The following NELL1 variants were observed in gnomAD, a reference collection of about 807,000 sequenced individuals.
NELL1 encodes protein kinase C-binding protein NELL1.
A neutral mutation model predicts 107.4 loss-of-function variants in NELL1; 76 were observed. The ratio of observed to expected loss-of-function variants is 0.71; its 90% CI spans 0.59 to 0.86. NELL1 has a LOEUF of 0.86. NELL1 is among the 40% of genes least tolerant of loss of function. The pLI is 0.00. For synonymous variants in NELL1, 353 were observed against 341.2 expected, an observed-to-expected ratio of 1.03 and a Z score of -0.38; for missense variants, 1,024 against 1,005.5, an observed-to-expected ratio of 1.02 and a Z score of -0.25.
At chr11:21,492,954 A>C (rs901067257) in intron 15 of NELL1, among the ~76,000 whole-genome samples, 19 of 152,250 alleles carry the variant, frequency 1.2e-4, no homozygotes, top group Admixed American at 3.3e-4. Context: ...AAAAGAAGAC[A>C]TACAAATGGC....
intron 14 of NELL1, among the ~76,000 whole-genome samples, chr11:21,230,368 C>G (rs1398203704): frequency 1.3e-5 from 2 of 152,288 alleles, no homozygotes; most frequent in Non-Finnish European, 2.9e-5. Flanking sequence ...AGCTCCATGA[C>G]AGTGAACACT....
intron 14 of NELL1, among the ~76,000 whole-genome samples, chr11:21,322,522 C>T (rs1283668084): frequency 2.0e-5 from 3 of 152,054 alleles, no homozygotes; most frequent in Non-Finnish European, 4.4e-5. Flanking sequence ...AGTACAAAAG[C>T]ACACACACAT....
intron 13 of NELL1, among the ~76,000 whole-genome samples, chr11:21,133,626 C>T (rs896268963): frequency 6.6e-6 from 1 of 152,060 alleles, no homozygotes; most frequent in Non-Finnish European, 1.5e-5. Context: ...AGCCCTCGCT[C>T]ACCTGGTCAG....
intron 14 of NELL1, among the ~76,000 whole-genome samples, chr11:21,316,305 A>G (rs1174307999): frequency 6.6e-6 from 1 of 152,168 alleles, no homozygotes; most frequent in East Asian, 1.9e-4. Context: ...AAAACACGAG[A>G]TGATAGGCTT....
chr11:20,979,289 A>G (rs1363459385), intron 12 of NELL1, among the ~76,000 whole-genome samples: 4 of 152,234 alleles, frequency 2.6e-5, no homozygotes, highest in Non-Finnish European at 5.9e-5. Flanking sequence ...CCATGCTATC[A>G]TAAAAGGAAA....
At chr11:20,972,176 A>G (rs1008321311) in intron 12 of NELL1, among the ~76,000 whole-genome samples, 1 of 152,214 alleles carries the variant, frequency 6.6e-6, no homozygotes, top group African/African-American at 2.4e-5. Flanking sequence ...CTGTACATAT[A>G]TCCCAGAACT....
At chr11:21,432,362 C>T (rs1442818558) in intron 15 of NELL1, among the ~76,000 whole-genome samples, 1 of 152,014 alleles carries the variant, frequency 6.6e-6, no homozygotes, top group African/African-American at 2.4e-5. Context: ...ACTAGCTTTT[C>T]TTTGTGAAAC....
At chr11:20,898,022 G>A (rs929374794) in intron 5 of NELL1, among the ~76,000 whole-genome samples, 33 of 152,082 alleles carry the variant, frequency 2.2e-4, no homozygotes, top group Middle Eastern at 3.2e-3. Context: ...TGATTCCTCA[G>A]GGATCTAGAA....
chr11:20,925,301 G>C (rs1305879102), intron 7 of NELL1, among the ~76,000 whole-genome samples: 1 of 152,036 alleles, frequency 6.6e-6, no homozygotes, highest in African/African-American at 2.4e-5. Context: ...TATTTATTGA[G>C]ATGGAGTATC....
chr11:21,027,824 T>C (rs543769481), intron 12 of NELL1, among the ~76,000 whole-genome samples: 13 of 152,296 alleles, frequency 8.5e-5, no homozygotes, highest in Non-Finnish European at 1.2e-4. Context: ...CAGTTCATTG[T>C]TGAACAAAAA....
chr11:21,097,210 A>G (rs1191023197), intron 12 of NELL1, among the ~76,000 whole-genome samples: 1 of 152,136 alleles, frequency 6.6e-6, no homozygotes, highest in Non-Finnish European at 1.5e-5. Flanking sequence ...TGCTCTGCTG[A>G]CTGTCAGATT....
chr11:21,234,795 G>T (rs1323565819), intron 14 of NELL1, among the ~76,000 whole-genome samples: 1 of 152,178 alleles, frequency 6.6e-6, no homozygotes, highest in Non-Finnish European at 1.5e-5. Context: ...GATATAGACA[G>T]AAAGAGTAAT....
chr11:21,388,012 T>C (rs1851786095), intron 15 of NELL1, among the ~76,000 whole-genome samples: 2 of 151,764 alleles, frequency 1.3e-5, no homozygotes, highest in African/African-American at 2.4e-5. Flanking sequence ...AAATTGCTTA[T>C]GTTTGTAAAG....
intron 12 of NELL1, among the ~76,000 whole-genome samples, chr11:20,980,313 A>T (rs1161831487): frequency 6.6e-6 from 1 of 152,146 alleles, no homozygotes; most frequent in South Asian, 2.1e-4. Flanking sequence ...AGATTTCACA[A>T]TCTTCATTTT....
rs1033687418 is a variant in NELL1 at position 21,560,358 on chromosome 11, C to T, written c.1956C>T (p.Asp652=). ...HNGQVWTLKE[D]RCSVCSCKDG... Reference sequence around the variant, plus strand: ...GCCAGGTGTGGACCTTGAAAGAAGACAGGTGTTCTGTCTGCTCCTGCAAGG... The same window carrying T: ...GCCAGGTGTGGACCTTGAAAGAAGATAGGTGTTCTGTCTGCTCCTGCAAGG... The change falls in exon 17 of 20, where the codon GAC becomes GAT. Residue 652 remains aspartate (D), a synonymous_variant. Coordinates refer to ENST00000357134, the MANE Select transcript of NELL1 (RefSeq NM_006157.5). 6.3e-7 allele frequency: 1 copy of T among 1,596,708 alleles called. No homozygotes were observed. Among genetic ancestry groups the T allele is most frequent in the African/African-American group, 1.3e-5 (1 of 74,214 alleles).
At chr11:21,356,806 T>C (rs2133729792) in intron 14 of NELL1, among the ~76,000 whole-genome samples, 1 of 152,224 alleles carries the variant, frequency 6.6e-6, no homozygotes, top group African/African-American at 2.4e-5. Flanking sequence ...CTTGAACCGC[T>C]CCCTCCTTCA....
At chr11:20,737,892 A>C (rs1855798363) in intron 2 of NELL1, among the ~76,000 whole-genome samples, 1 of 151,234 alleles carries the variant, frequency 6.6e-6, no homozygotes, top group Non-Finnish European at 1.5e-5. Flanking sequence ...TCAGAGTTGG[A>C]ACGATCAGGA....
chr11:21,081,662 T>C (rs1007023194), intron 12 of NELL1, among the ~76,000 whole-genome samples: 2 of 152,144 alleles, frequency 1.3e-5, no homozygotes, highest in Non-Finnish European at 2.9e-5. Context: ...CTCTGGAAAA[T>C]GTGTCTCAAA....
chr11:20,690,520 C>A (rs1854435040), intron 2 of NELL1, among the ~76,000 whole-genome samples: 1 of 149,574 alleles, frequency 6.7e-6, no homozygotes, highest in African/African-American at 2.5e-5. Flanking sequence ...GTTTTCCCAG[C>A]ACCATTTATT....
Sources: allele counts gnomAD v4.1 joint callset (sites outside exome capture counted in the v4.1 genomes callset), GRCh38; gene constraint gnomAD v4.1.1; transcripts MANE v1.5; gene names NCBI Gene and HGNC (gene_info 2026-07-23, HGNC 2026-07-21).